Variants in KCNMA1 observed in about 807,000 individuals in gnomAD.
The protein encoded by KCNMA1 is potassium calcium-activated channel subfamily M alpha 1.
A neutral mutation model predicts 140.0 loss-of-function variants in KCNMA1; 29 were observed. That is an observed-to-expected ratio of 0.21 (90% CI 0.15 to 0.28). The LOEUF (loss-of-function observed/expected upper bound fraction) is 0.28, where lower values mean the gene tolerates loss of function less well. Among genes scored for constraint, KCNMA1 ranks in the 10% least tolerant of loss-of-function variants. The pLI is 1.00. For missense variants in KCNMA1, 880 were observed against 1,602.2 expected (o/e 0.55, Z 7.70); for synonymous variants, 612 against 611.9 (o/e 1.00, Z 0.00).
chr10:77,299,502 C>A (rs2076053846), intron 2 of KCNMA1, among the ~76,000 whole-genome samples: 1 of 152,198 alleles, frequency 6.6e-6, no homozygotes. Context: ...TGTTATTTCA[C>A]ATTTTGGGTC....
At chr10:77,069,597 G>T (rs2096109488) in intron 14 of KCNMA1, among the ~76,000 whole-genome samples, 1 of 152,098 alleles carries the variant, frequency 6.6e-6, no homozygotes, top group Admixed American at 6.6e-5. Flanking sequence ...AGATATGGGG[G>T]TATATAAAAT....
chr10:77,439,163 A>AG (rs1318605693), intron 1 of KCNMA1, among the ~76,000 whole-genome samples: 19 of 127,054 alleles, frequency 1.5e-4, no homozygotes, highest in Non-Finnish European at 2.8e-4. Context: ...AGAAGAGAAG[A>AG]AAAGAAAAGA....
intron 2 of KCNMA1, among the ~76,000 whole-genome samples, chr10:77,371,133 A>G (rs2094677488): frequency 6.6e-6 from 1 of 152,120 alleles, no homozygotes; most frequent in African/African-American, 2.4e-5. Flanking sequence ...AATTCATACT[A>G]CTTACCCAAC....
intron 2 of KCNMA1, among the ~76,000 whole-genome samples, chr10:77,300,564 C>T (rs976150410): frequency 6.6e-6 from 1 of 152,194 alleles, no homozygotes; most frequent in South Asian, 2.1e-4. Flanking sequence ...TTAATACATA[C>T]TTAATAGAGT....
At chr10:77,441,880 T>C (rs2097409113) in intron 1 of KCNMA1, among the ~76,000 whole-genome samples, 1 of 149,720 alleles carries the variant, frequency 6.7e-6, no homozygotes, top group South Asian at 2.1e-4. Context: ...AAAGAGAGGG[T>C]CCCTAGTTGG....
intron 1 of KCNMA1, among the ~76,000 whole-genome samples, chr10:77,501,010 G>A (rs1001351193): frequency 6.6e-5 from 10 of 152,206 alleles, no homozygotes; most frequent in Non-Finnish European, 1.2e-4. Flanking sequence ...ACTCTGGAGT[G>A]GGGCCAAGCC....
At chr10:77,076,982 T>C (rs1490579170) in intron 13 of KCNMA1, among the ~76,000 whole-genome samples, 2 of 151,978 alleles carry the variant, frequency 1.3e-5, no homozygotes, top group East Asian at 3.9e-4. Flanking sequence ...TGAAAGCAAA[T>C]TGTAATGCAT....
chr10:77,551,696 G>T (rs1022023930), intron 1 of KCNMA1, among the ~76,000 whole-genome samples: 1 of 152,184 alleles, frequency 6.6e-6, no homozygotes, highest in African/African-American at 2.4e-5. Context: ...TTCGACTGAT[G>T]CTGCAGCCTG....
intron 2 of KCNMA1, among the ~76,000 whole-genome samples, chr10:77,391,842 G>A (rs979307814): frequency 1.3e-5 from 2 of 151,724 alleles, no homozygotes; most frequent in Non-Finnish European, 2.9e-5. Context: ...CCCCTGCAAC[G>A]ACAAAGGCTG....
At chr10:77,023,965 T>C (rs917481347) in intron 16 of KCNMA1, among the ~76,000 whole-genome samples, 7 of 152,196 alleles carry the variant, frequency 4.6e-5, no homozygotes, top group African/African-American at 1.7e-4. Context: ...CCAGAGATAC[T>C]GGTGAGGACT....
At chr10:77,437,209 G>T (rs1467077044) in intron 1 of KCNMA1, among the ~76,000 whole-genome samples, 1 of 152,144 alleles carries the variant, frequency 6.6e-6, no homozygotes. Context: ...AGAAACTCTG[G>T]ATGTAAGATG....
chr10:76,940,661 G>C (rs563897962), intron 23 of KCNMA1, among the ~76,000 whole-genome samples: 1 of 152,066 alleles, frequency 6.6e-6, no homozygotes, highest in Non-Finnish European at 1.5e-5. Context: ...TTATCACTCA[G>C]AGGAAGTTAG....
intron 2 of KCNMA1, among the ~76,000 whole-genome samples, chr10:77,313,625 G>A (rs1241747980): frequency 6.6e-6 from 1 of 152,166 alleles, no homozygotes; most frequent in Non-Finnish European, 1.5e-5. Flanking sequence ...GGCAACCCCA[G>A]GAAACCTAAT....
chr10:77,636,863 C>A, intron 1 of KCNMA1: 1 of 1,429,790 alleles, frequency 7.0e-7, no homozygotes, highest in Non-Finnish European at 9.1e-7. Flanking sequence ...AGGAGCCGAG[C>A]CCCGGCAGGT....
intron 9 of KCNMA1, among the ~76,000 whole-genome samples, chr10:77,092,910 C>T (rs183882841): frequency 6.6e-6 from 1 of 152,166 alleles, no homozygotes; most frequent in African/African-American, 2.4e-5. Context: ...TGAGTTCCCC[C>T]CTCTCACCCT....
At chr10:77,005,050 T>A (rs2087933939) in intron 18 of KCNMA1, among the ~76,000 whole-genome samples, 1 of 152,202 alleles carries the variant, frequency 6.6e-6, no homozygotes, top group Non-Finnish European at 1.5e-5. Flanking sequence ...CACCCATTGT[T>A]CCCTTCCCAA....
At chr10:77,046,363 C>T (rs999049836) in intron 14 of KCNMA1, among the ~76,000 whole-genome samples, 6 of 152,200 alleles carry the variant, frequency 3.9e-5, no homozygotes, top group Non-Finnish European at 5.9e-5. Context: ...GCCATTAAAA[C>T]GTATTTATCA....
chr10:77,363,928 T>C (rs1278632379), intron 2 of KCNMA1, among the ~76,000 whole-genome samples: 1 of 152,190 alleles, frequency 6.6e-6, no homozygotes, highest in Non-Finnish European at 1.5e-5. Flanking sequence ...TGCATGACGA[T>C]ATGTTTTTGT....
At position 77,476,080 on chromosome 10, in the gene KCNMA1, G is replaced by A. The variant is rs577530776; in HGVS notation, c.379-72057C>T. 5.3e-5 allele frequency among the ~76,000 whole-genome samples: 8 copies of A among 152,274 alleles called. No homozygotes were observed. The South Asian group carries it at 1.0e-3, about 20-fold the overall frequency. On this transcript the variant is annotated intron_variant, in intron 1 of 27. Transcript: ENST00000286628. ...CAAACCTGGATACTTCCTCCAGGCC[G>A]CACGGTGCTGGCCTCCTCCAGCGAC...
Sources: allele counts gnomAD v4.1 joint callset (sites outside exome capture counted in the v4.1 genomes callset), GRCh38; gene constraint gnomAD v4.1.1; transcripts MANE v1.5; gene names NCBI Gene and HGNC (gene_info 2026-07-23, HGNC 2026-07-21).